The following KLRG1 variants were observed in gnomAD, a reference collection of about 807,000 sequenced individuals.
KLRG1 encodes killer cell lectin-like receptor subfamily G member 1.
A neutral mutation model predicts 21.8 loss-of-function variants in KLRG1; 16 were observed. That is an observed-to-expected ratio of 0.73 (90% CI 0.50 to 1.11). The LOEUF (loss-of-function observed/expected upper bound fraction) is 1.11. Among genes scored for constraint, KLRG1 ranks in the 50% most tolerant of loss-of-function variants. The pLI is 0.00. For synonymous variants in KLRG1, 69 were observed against 75.9 expected (o/e 0.91, Z 0.47); for missense variants, 173 against 218.3 (o/e 0.79, Z 1.31).
At chr12:8,999,471 T>G (rs1361547685) in intron 3 of KLRG1, among the ~76,000 whole-genome samples, 1 of 152,352 alleles carries the variant, frequency 6.6e-6, no homozygotes, top group East Asian at 1.9e-4. Flanking sequence ...CTTCCTGACC[T>G]TGGGATTCCC....
At chr12:9,211,980 T>C in the KLRG1 span, among the ~76,000 whole-genome samples, 16 of 152,154 alleles carry the variant, frequency 1.1e-4, no homozygotes, top group East Asian at 2.9e-3. Context: ...GGGATGAGGG[T>C]CTACTTTAGA....
chr12:9,112,238 C>T, the KLRG1 span: 3 of 1,613,638 alleles, frequency 1.9e-6, no homozygotes, highest in Non-Finnish European at 2.5e-6. Flanking sequence ...TTTCATGAGC[C>T]CCCAAACCCA....
At chr12:9,027,758 T>C in the KLRG1 span, 23 of 1,383,918 alleles carry the variant, frequency 1.7e-5, no homozygotes, top group African/African-American at 3.1e-4. Flanking sequence ...CCAAATCCAT[T>C]ATAGCCATCC....
chr12:9,099,476 G>A, the KLRG1 span: 1 of 1,610,000 alleles, frequency 6.2e-7, no homozygotes, highest in Non-Finnish European at 8.5e-7. Flanking sequence ...CGAGCGACAG[G>A]AGCAATGTCT....
the KLRG1 span, among the ~76,000 whole-genome samples, chr12:9,088,255 G>T: frequency 6.8e-6 from 1 of 148,072 alleles, no homozygotes; most frequent in Non-Finnish European, 1.5e-5. Context: ...GTGATGTTCT[G>T]TTTTTTTTTT....
chr12:9,042,074 G>A, the KLRG1 span, among the ~76,000 whole-genome samples: 2 of 152,274 alleles, frequency 1.3e-5, no homozygotes, highest in Middle Eastern at 3.4e-3. Context: ...AAAAAAGGTC[G>A]CTTGTGTAAT....
chr12:8,977,370 A>ATTTT lies in KLRG1; in HGVS notation c.-155-14820_-155-14817dup, dbSNP rs1229287155. Among the ~76,000 whole-genome samples the ATTTT allele has an allele frequency of 1.6e-3, 209 of 127,638 alleles. 1 individual carries two copies. Among genetic ancestry groups the ATTTT allele is most frequent in the Non-Finnish European group, 2.7e-3 (162 of 60,904 alleles). The allele number at this position is 127,638 out of a possible 152,430, so 83.7% of individuals were successfully genotyped here. A position where few individuals can be genotyped will look rare whatever the true frequency, so the allele number is the denominator to read the frequency against. ...AGGTGCCCACCACCATGCCTGGCTA[A>ATTTT]TTTTTTTTTTTTTTTTTTTATTTGT... On this transcript the variant is annotated intron_variant, in intron 1 of 4. Transcript: ENST00000539240.
the KLRG1 span, chr12:9,180,897 C>T: frequency 1.4e-6 from 2 of 1,441,782 alleles, no homozygotes; most frequent in African/African-American, 1.5e-5. Flanking sequence ...TCGCAACCTA[C>T]TCATCTGACA....
chr12:9,068,769 A>G, the KLRG1 span: 2 of 1,608,192 alleles, frequency 1.2e-6, no homozygotes, highest in Admixed American at 1.7e-5. Context: ...GACTTTCACT[A>G]TGGCTGGTTT....
chr12:9,176,205 G>T, the KLRG1 span, among the ~76,000 whole-genome samples: 3 of 152,152 alleles, frequency 2.0e-5, no homozygotes, highest in African/African-American at 7.2e-5. Context: ...GCTAACACAG[G>T]AACAGAAAAC....
chr12:9,135,654 A>T, the KLRG1 span: 2 of 213,968 alleles, frequency 9.3e-6, no homozygotes, highest in East Asian at 2.9e-4. Flanking sequence ...GTGGGCTCCT[A>T]TTGGGGATGG....
At chr12:9,026,886 C>G in the KLRG1 span, among the ~76,000 whole-genome samples, 1 of 151,930 alleles carries the variant, frequency 6.6e-6, no homozygotes, top group Admixed American at 6.6e-5. Context: ...GACAGGTGCT[C>G]ACTTTTTTGC....
intron 1 of KLRG1, among the ~76,000 whole-genome samples, chr12:8,962,472 G>C (rs901567097): frequency 6.6e-6 from 1 of 151,930 alleles, no homozygotes; most frequent in African/African-American, 2.4e-5. Context: ...CCAGAACTTT[G>C]GGAGGCTGAG....
chr12:9,164,147 G>A, the KLRG1 span: 1 of 1,611,418 alleles, frequency 6.2e-7, no homozygotes, highest in African/African-American at 1.3e-5. Flanking sequence ...AGTTTTAGGA[G>A]TCACTGTCCA....
chr12:9,109,881 G>A, the KLRG1 span: 3 of 1,605,716 alleles, frequency 1.9e-6, no homozygotes, highest in African/African-American at 2.7e-5. Context: ...TTCCTCCACG[G>A]TGAAAGGGTG....
At chr12:9,160,881 C>T in the KLRG1 span, 1 of 709,508 alleles carries the variant, frequency 1.4e-6, no homozygotes, top group Non-Finnish European at 2.4e-6. Context: ...CGTCACTGTA[C>T]TCCAGCCTGG....
At chr12:9,165,143 A>G in the KLRG1 span, 1 of 1,613,376 alleles carries the variant, frequency 6.2e-7, no homozygotes, top group Non-Finnish European at 8.5e-7. Flanking sequence ...CCTTACCCGG[A>G]TGCATTTGGG....
At chr12:8,969,309 C>T (rs1056350168) in intron 1 of KLRG1, among the ~76,000 whole-genome samples, 1 of 152,146 alleles carries the variant, frequency 6.6e-6, no homozygotes, top group African/African-American at 2.4e-5. Flanking sequence ...GCCAGTACAG[C>T]GTGGTACTCA....
At chr12:9,203,778 A>G in the KLRG1 span, 2 of 1,614,070 alleles carry the variant, frequency 1.2e-6, no homozygotes, top group Non-Finnish European at 1.7e-6. Flanking sequence ...AGTGAAGGAG[A>G]CACAGTGGAA....
Sources: gnomAD v4.1 joint callset for allele counts (sites outside exome capture counted in the v4.1 genomes callset) on GRCh38, gnomAD v4.1.1 for gene constraint, MANE v1.5 for transcripts, NCBI Gene and HGNC (gene_info 2026-07-23, HGNC 2026-07-21) for gene names.